Variants in PTK2B observed in about 807,000 individuals in gnomAD.
The protein encoded by PTK2B is protein-tyrosine kinase 2-beta.
Under a neutral mutation model 142.9 loss-of-function variants are expected in PTK2B, and 71 were observed. That is an observed-to-expected ratio of 0.50 (90% CI 0.41 to 0.61). The LOEUF is 0.61. Ranked by LOEUF, PTK2B falls within the 20% of genes least tolerant of loss-of-function variation. The pLI is 0.00. For missense variants in PTK2B, 1,105 were observed against 1,320.4 expected, an observed-to-expected ratio of 0.84 and a Z score of 2.53; for synonymous variants, 519 against 503.4, an observed-to-expected ratio of 1.03 and a Z score of -0.42.
At chr8:27,373,848 T>C (rs1271170843) in intron 1 of PTK2B, among the ~76,000 whole-genome samples, 1 of 151,952 alleles carries the variant, frequency 6.6e-6, no homozygotes, top group Admixed American at 6.6e-5. Context: ...TGGGATCTTC[T>C]AGAGCCACAG....
chr8:27,346,830 T>C (rs1363753744), intron 1 of PTK2B, among the ~76,000 whole-genome samples: 1 of 152,242 alleles, frequency 6.6e-6, no homozygotes, highest in East Asian at 1.9e-4. Context: ...TGGAAAGTTC[T>C]TTCTTTCACT....
chr8:27,456,452 A>G (rs1243565489), intron 30 of PTK2B, among the ~76,000 whole-genome samples: 2 of 152,218 alleles, frequency 1.3e-5, no homozygotes, highest in African/African-American at 4.8e-5. Flanking sequence ...AACTGTGCCC[A>G]CATAAGACTT....
At chr8:27,342,609 A>C in intron 1 of PTK2B, among the ~76,000 whole-genome samples, 1 of 151,054 alleles carries the variant, frequency 6.6e-6, no homozygotes. Flanking sequence ...CTAAATTCCC[A>C]CCTCTCAGAT....
intron 1 of PTK2B, among the ~76,000 whole-genome samples, chr8:27,381,742 C>T (rs1220620618): frequency 6.6e-6 from 1 of 152,162 alleles, no homozygotes; most frequent in Non-Finnish European, 1.5e-5. Context: ...ATACGGTTCC[C>T]CGTAATGGTT....
rs893389122 is a variant in PTK2B, at chr8:27,314,580, T to G, written c.-414+1293T>G. ...CAAGTAAATAACTTTGTAACTTTAC[T>G]TCATCCTCTCCATTTACATAGGGCG... is the stretch of plus-strand genomic sequence containing the variant. On this transcript the variant is annotated intron_variant, in intron 3 of 35. Coordinates refer to the PTK2B transcript ENST00000397501. 8.5e-5 allele frequency among the ~76,000 whole-genome samples: 13 copies of G among 152,244 alleles called. 1 individual carries two copies. Among genetic ancestry groups the G allele is most frequent in the South Asian group, 2.1e-4 (1 of 4,838 alleles).
chr8:27,397,742 G>A lies in PTK2B; in HGVS notation c.158G>A (p.Gly53Glu). Residue 53 changes from glycine (G) to glutamate (E), a missense_variant, in exon 2 of 31, where the codon GGG (glycine) becomes GAG (glutamate). Coordinates refer to ENST00000346049, the MANE Select transcript of PTK2B (RefSeq NM_173176.3). ...VCFYSNSFNPGKNFKLVKCTV... is the reference protein window; with the variant it reads ...VCFYSNSFNPEKNFKLVKCTV... ...TTCTATAGCAACAGCTTCAATCCTG[G>A]GAAAAACTTCAAACTGGTCAAATGC... 1 of 1,614,260 alleles carries A rather than the reference G, an allele frequency of 6.2e-7. No homozygotes were observed. Among genetic ancestry groups the A allele is most frequent in the Non-Finnish European group, 8.5e-7 (1 of 1,180,046 alleles).
chr8:27,430,349 T>C lies in PTK2B; in HGVS notation c.615-15T>C. On this transcript the variant is annotated splice_polypyrimidine_tract_variant and intron_variant, in intron 6 of 30. Transcript: ENST00000346049. ...GAGGGGGAGTCACATGCTGCCTTTT[T>C]CTTCCTTCTTGCAGAAAGGAAGTGG... 1 of 1,614,136 alleles carries C rather than the reference T, an allele frequency of 6.2e-7. No homozygotes were observed. The highest frequency in any genetic ancestry group is 8.5e-7 in the Non-Finnish European group (1 of 1,180,016).
intron 24 of PTK2B, among the ~76,000 whole-genome samples, chr8:27,449,801 G>A (rs1811693288): frequency 6.6e-6 from 1 of 152,230 alleles, no homozygotes; most frequent in Non-Finnish European, 1.5e-5. Flanking sequence ...AATACTTTCT[G>A]TTTAGGAACT....
intron 22 of PTK2B, 67 bp from the exon 23 acceptor site, chr8:27,444,139 C>T: frequency 6.7e-7 from 1 of 1,492,416 alleles, no homozygotes; most frequent in Non-Finnish European, 9.3e-7. Context: ...ACCTGATGTT[C>T]CCCTTGGTGA....
At chr8:27,450,637 C>A in intron 24 of PTK2B, 112 bp from the exon 25 acceptor site, 1 of 1,346,972 alleles carries the variant, frequency 7.4e-7, no homozygotes, top group Non-Finnish European at 1.0e-6. Context: ...AAAAAAGCAG[C>A]TGGCCAGGCC....
intron 1 of PTK2B, among the ~76,000 whole-genome samples, chr8:27,334,252 T>C (rs56746927): frequency 0.055 from 8,376 of 152,210 alleles, 661 homozygotes; most frequent in African/African-American, 0.17. Flanking sequence ...CCCCAATGCC[T>C]GCAGGCAAAT....
chr8:27,397,488 C>A, intron 1 of PTK2B, 60 bp from the exon 2 acceptor site: 2 of 1,308,252 alleles, frequency 1.5e-6, no homozygotes, highest in Non-Finnish European at 2.2e-6. Context: ...TCCCTGGGGC[C>A]ATGAGGTATG....
intron 2 of PTK2B, among the ~76,000 whole-genome samples, chr8:27,399,654 C>CTT (rs927667981): frequency 2.0e-5 from 3 of 152,126 alleles, no homozygotes; most frequent in Non-Finnish European, 4.4e-5. Context: ...AGAAGAATGG[C>CTT]TTTGAGGCAT....
At chr8:27,403,089 A>C (rs981165924) in intron 2 of PTK2B, among the ~76,000 whole-genome samples, 1 of 151,996 alleles carries the variant, frequency 6.6e-6, no homozygotes, top group Non-Finnish European at 1.5e-5. Context: ...CTGCTTCCTG[A>C]CTTCTTTTTG....
At position 27,459,320 on chromosome 8, in the gene PTK2B, T is replaced by A. The variant is rs1812350280; in HGVS notation, c.*811T>A. ...ATCTGCACCCTTCTTTTCTCATGTG[T>A]TTGCATAAACATTCTTTTAACTTCT... On this transcript the variant is annotated 3_prime_UTR_variant, in exon 31 of 31. Transcript: ENST00000346049. 1 of 233,404 alleles carries A rather than the reference T, an allele frequency of 4.3e-6. No homozygotes were observed. The allele number at this position is 233,404 out of a possible 1,614,324, so 14.5% of individuals were successfully genotyped here. A position where few individuals can be genotyped will look rare whatever the true frequency, so the allele number is the denominator to read the frequency against.
At chr8:27,334,484 T>C (rs1438763837) in intron 1 of PTK2B, among the ~76,000 whole-genome samples, 2 of 152,172 alleles carry the variant, frequency 1.3e-5, no homozygotes, top group African/African-American at 4.8e-5. Context: ...TGACCCACCC[T>C]TTTGGAGGAC....
chr8:27,353,807 A>G (rs934237901), intron 1 of PTK2B, among the ~76,000 whole-genome samples: 2 of 152,206 alleles, frequency 1.3e-5, no homozygotes. Context: ...ATTTCCCAAG[A>G]GCAGGGGACA....
intron 18 of PTK2B, chr8:27,438,140 A>C: frequency 2.5e-6 from 1 of 408,018 alleles, no homozygotes. Flanking sequence ...AAGACCTTCT[A>C]GCCCCTCCCC....
chr8:27,436,784 TAGAG>T lies in PTK2B; in HGVS notation c.1342-336_1342-333del, dbSNP rs1288586405. On this transcript the variant is annotated intron_variant, in intron 15 of 30. Transcript: ENST00000346049. ...GCAGTAAGAATGAAAAATCCAATGA[TAGAG>T]AAAGGCCCAGCCCCCAGGCATGATA... 2.6e-5 allele frequency among the ~76,000 whole-genome samples: 4 copies of T among 152,048 alleles called. No homozygotes were observed. In the East Asian group the frequency reaches 7.7e-4, roughly 29 times the overall value.
Sources: gnomAD v4.1 joint callset for allele counts (sites outside exome capture counted in the v4.1 genomes callset) on GRCh38, gnomAD v4.1.1 for gene constraint, MANE v1.5 for transcripts, NCBI Gene and HGNC (gene_info 2026-07-23, HGNC 2026-07-21) for gene names.